The following RXRG variants were observed in gnomAD, a reference collection of about 807,000 sequenced individuals.
The protein encoded by RXRG is retinoic acid receptor RXR-gamma.
In RXRG, 19 loss-of-function variants were observed where a neutral mutation model predicts 49.2. The observed-to-expected ratio is 0.39, with a 90% CI of 0.27 to 0.57. RXRG has a LOEUF of 0.57. Ranked by LOEUF, RXRG falls within the 20% of genes least tolerant of loss-of-function variation. RXRG has a pLI of 0.64. For synonymous variants in RXRG, 224 were observed against 216.6 expected, an observed-to-expected ratio of 1.03 and a Z score of -0.30; for missense variants, 452 against 592.5, an observed-to-expected ratio of 0.76 and a Z score of 2.46.
chr1:165,416,255 G>C (rs547737935), intron 4 of RXRG, among the ~76,000 whole-genome samples: 12 of 152,150 alleles, frequency 7.9e-5, no homozygotes, highest in African/African-American at 2.6e-4. Context: ...CCATGTCCCT[G>C]CTTGAGCTCA....
intron 1 of RXRG, chr1:165,436,912 A>C (rs1658831834): frequency 9.9e-6 from 11 of 1,108,510 alleles, no homozygotes; most frequent in Non-Finnish European, 1.2e-5. Flanking sequence ...ATTAACAACC[A>C]AACTTGAAAA....
intron 1 of RXRG, among the ~76,000 whole-genome samples, chr1:165,439,769 T>TTAAAATG (rs1461086084): frequency 1.3e-5 from 2 of 152,234 alleles, no homozygotes; most frequent in African/African-American, 4.8e-5. Context: ...TCTACATCGG[T>TTAAAATG]TAAAATGTAA....
intron 1 of RXRG, among the ~76,000 whole-genome samples, chr1:165,435,810 C>T (rs1369999947): frequency 6.6e-6 from 1 of 152,202 alleles, no homozygotes; most frequent in African/African-American, 2.4e-5. Flanking sequence ...CCCAATTTTG[C>T]ATTCTGGAGT....
intron 2 of RXRG, among the ~76,000 whole-genome samples, chr1:165,423,207 C>T (rs762098846): frequency 1.3e-5 from 2 of 152,188 alleles, no homozygotes; most frequent in East Asian, 3.9e-4. Flanking sequence ...AGAGCATAAA[C>T]CCATTAGCTG....
At chr1:165,437,628 G>A (rs1123944) in intron 1 of RXRG, among the ~76,000 whole-genome samples, 22,214 of 152,100 alleles carry the variant, frequency 0.15, 1,663 homozygotes, top group South Asian at 0.27. Context: ...CAAGAGCTGG[G>A]TGTGCACATA....
At chr1:165,428,062 C>T (rs1658547484) in intron 2 of RXRG, among the ~76,000 whole-genome samples, 1 of 152,134 alleles carries the variant, frequency 6.6e-6, no homozygotes, top group Admixed American at 6.5e-5. Context: ...GGATGATGAA[C>T]TTAGTGTGGC....
At chr1:165,425,898 T>C (rs1024503329) in intron 2 of RXRG, among the ~76,000 whole-genome samples, 1 of 152,214 alleles carries the variant, frequency 6.6e-6, no homozygotes, top group Non-Finnish European at 1.5e-5. Context: ...TTTTAATCCT[T>C]GGCTGCCAAC....
intron 4 of RXRG, among the ~76,000 whole-genome samples, chr1:165,412,621 TA>T (rs1390828090): frequency 6.6e-6 from 1 of 152,220 alleles, no homozygotes; most frequent in African/African-American, 2.4e-5. Flanking sequence ...CTTCAGTAGT[TA>T]ACTGAAATAA....
In RXRG at chr1:165,428,936, A is replaced by G. The variant is rs1658581553; in HGVS notation, c.80T>C (p.Met27Thr). Residue 27 changes from methionine (M) to threonine (T), a missense_variant, in exon 2 of 10, where the codon ATG becomes ACG. Coordinates refer to ENST00000359842, the MANE Select transcript of RXRG (RefSeq NM_006917.5). Reference protein sequence around the residue: ...GSPGHTGSTSMSPSAALSTGK... With the variant: ...GSPGHTGSTSTSPSAALSTGK... ...TGTGGACAAGGCTGCTGATGGGCTC[A>G]TGGATGTAGAGCCAGTGTGGCCAGG... 1.2e-6 allele frequency: 2 copies of G among 1,613,480 alleles called. No homozygotes were observed. Among genetic ancestry groups the G allele is most frequent in the Admixed American group, 1.7e-5 (1 of 59,982 alleles).
chr1:165,416,154 C>A (rs1021779139), intron 4 of RXRG, among the ~76,000 whole-genome samples: 2 of 152,138 alleles, frequency 1.3e-5, no homozygotes, highest in Admixed American at 6.5e-5. Context: ...GAATGAGGAG[C>A]GTGCTGGGCC....
At chr1:165,406,186 CCTCAGAGATCTGCTAGAT>C (rs1471849805) in intron 9 of RXRG, among the ~76,000 whole-genome samples, 1 of 80,196 alleles carries the variant, frequency 1.2e-5, no homozygotes. Flanking sequence ...TGCTAGATGG[CCTCAGAGATCTGCTAGAT>C]GGCCTCAGAG....
intron 3 of RXRG, among the ~76,000 whole-genome samples, chr1:165,417,747 A>G (rs1658172055): frequency 1.3e-5 from 2 of 152,160 alleles, no homozygotes; most frequent in Admixed American, 1.3e-4. Context: ...GAGGAAATTA[A>G]TTGCTGTTTG....
At chr1:165,439,357 C>G (rs956980446) in intron 1 of RXRG, among the ~76,000 whole-genome samples, 26 of 152,038 alleles carry the variant, frequency 1.7e-4, no homozygotes, top group Non-Finnish European at 2.8e-4. Flanking sequence ...CTCTCCCTCC[C>G]CCTTCCTTCA....
At chr1:165,433,620 T>C (rs1658740192) in intron 1 of RXRG, among the ~76,000 whole-genome samples, 1 of 152,270 alleles carries the variant, frequency 6.6e-6, no homozygotes, top group Admixed American at 6.5e-5. Context: ...CATTGCATAC[T>C]CCTGGGTCTC....
chr1:165,415,965 C>T (rs545850747), intron 4 of RXRG, among the ~76,000 whole-genome samples: 2 of 152,126 alleles, frequency 1.3e-5, no homozygotes, highest in Non-Finnish European at 1.5e-5. Flanking sequence ...TCTCATCTGG[C>T]GGATGGTTAC....
intron 1 of RXRG, among the ~76,000 whole-genome samples, chr1:165,438,126 C>A (rs964405792): frequency 6.6e-6 from 1 of 152,272 alleles, no homozygotes; most frequent in Non-Finnish European, 1.5e-5. Context: ...GCCCCTCTAT[C>A]TGTTGTGCTG....
At chr1:165,441,102 A>G (rs1409372859) in intron 1 of RXRG, among the ~76,000 whole-genome samples, 1 of 152,172 alleles carries the variant, frequency 6.6e-6, no homozygotes, top group East Asian at 1.9e-4. Flanking sequence ...GTCCAACTCA[A>G]CCCCTTCTCT....
At chr1:165,419,835 G>C in intron 3 of RXRG, 35 bp downstream of exon 3, 1 of 1,542,702 alleles carries the variant, frequency 6.5e-7, no homozygotes, top group Non-Finnish European at 8.8e-7. Context: ...CCTTCTCTGT[G>C]GCACTTTTCA....
intron 7 of RXRG, among the ~76,000 whole-genome samples, 167 bp downstream of exon 7, chr1:165,409,391 C>A (rs764771583): frequency 6.6e-6 from 1 of 152,112 alleles, no homozygotes; most frequent in Admixed American, 6.5e-5. Flanking sequence ...GTGGTCTCTG[C>A]ATGGTCATGT....
Sources: allele counts gnomAD v4.1 joint callset (sites outside exome capture counted in the v4.1 genomes callset), GRCh38; gene constraint gnomAD v4.1.1; transcripts MANE v1.5; gene names NCBI Gene and HGNC (gene_info 2026-07-23, HGNC 2026-07-21).